Variants in RYR2 observed in about 807,000 individuals in gnomAD.
RYR2 encodes the protein ryanodine receptor 2.
RYR2 carries 227 observed loss-of-function variants against 601.1 expected under a neutral mutation model. The observed-to-expected ratio is 0.38, with a 90% confidence interval of 0.34 to 0.42. RYR2 has a LOEUF of 0.42. Among genes scored for constraint, RYR2 ranks in the 10% least tolerant of loss-of-function variants. The pLI, the probability that RYR2 is intolerant of heterozygous loss-of-function variation, is 1.00. For synonymous variants in RYR2, 2,223 were observed against 2,175.1 expected (o/e 1.02, Z -0.61); for missense variants, 4,646 against 6,156.5 (o/e 0.75, Z 8.21).
intron 2 of RYR2, among the ~76,000 whole-genome samples, chr1:237,326,570 G>A (rs573065832): frequency 1.3e-5 from 2 of 152,278 alleles, no homozygotes; most frequent in East Asian, 1.9e-4. Flanking sequence ...TTTGTGTTCC[G>A]ATGTGATCTG....
intron 100 of RYR2, 85 bp downstream of exon 100, chr1:237,809,120 G>A (rs1660980505): frequency 1.6e-6 from 2 of 1,222,994 alleles, no homozygotes; most frequent in Non-Finnish European, 2.3e-6. Context: ...TTCTCTAACA[G>A]TACAAAATAG....
At chr1:237,049,368 C>T (rs12081905) in intron 1 of RYR2, among the ~76,000 whole-genome samples, 2,110 of 152,142 alleles carry the variant, frequency 0.014, 55 homozygotes, top group African/African-American at 0.049. Flanking sequence ...TTATTAATCA[C>T]GGGAAGAACA....
chr1:237,434,559 G>A (rs772061207), intron 12 of RYR2, among the ~76,000 whole-genome samples: 2 of 151,986 alleles, frequency 1.3e-5, no homozygotes, highest in African/African-American at 2.4e-5. Context: ...TAATCATAAG[G>A]CAGGTCTTGC....
At chr1:237,534,634 G>A (rs1018082464) in intron 25 of RYR2, among the ~76,000 whole-genome samples, 1 of 151,826 alleles carries the variant, frequency 6.6e-6, no homozygotes, top group African/African-American at 2.4e-5. Context: ...TTCTAAATAG[G>A]TTATGGATCA....
chr1:237,351,396 A>G (rs140111829), intron 3 of RYR2, among the ~76,000 whole-genome samples: 1 of 152,240 alleles, frequency 6.6e-6, no homozygotes, highest in African/African-American at 2.4e-5. Context: ...AATATAAATC[A>G]TTCAAGCCAA....
At chr1:237,526,933 A>G (rs1320063794) in intron 24 of RYR2, among the ~76,000 whole-genome samples, 1 of 152,154 alleles carries the variant, frequency 6.6e-6, no homozygotes, top group Non-Finnish European at 1.5e-5. Context: ...GTTTTCTTCT[A>G]GGTCTTACAT....
intron 12 of RYR2, among the ~76,000 whole-genome samples, chr1:237,426,733 T>C (rs1473858004): frequency 6.6e-6 from 1 of 152,132 alleles, no homozygotes; most frequent in Non-Finnish European, 1.5e-5. Context: ...TGGAAGACAT[T>C]GGAATGATTT....
chr1:237,330,330 C>T (rs1696582954), intron 2 of RYR2, among the ~76,000 whole-genome samples: 1 of 152,232 alleles, frequency 6.6e-6, no homozygotes, highest in Non-Finnish European at 1.5e-5. Flanking sequence ...TGTCTCCTTA[C>T]ATTTTCAGAG....
intron 27 of RYR2, among the ~76,000 whole-genome samples, chr1:237,565,143 TTCTTTCTTTCTTTC>T (rs1559035268): frequency 1.2e-4 from 17 of 142,220 alleles, no homozygotes; most frequent in South Asian, 2.4e-4. Flanking sequence ...TTCTTTCTTT[TTCTTTCTTTCTTTC>T]TCTTTCTTTC....
At chr1:237,412,287 G>A (rs1704534757) in intron 10 of RYR2, among the ~76,000 whole-genome samples, 1 of 152,122 alleles carries the variant, frequency 6.6e-6, no homozygotes, top group African/African-American at 2.4e-5. Context: ...TTTGTACTTA[G>A]AATAACCTTA....
At chr1:237,126,992 G>T (rs918298804) in intron 1 of RYR2, among the ~76,000 whole-genome samples, 1 of 151,704 alleles carries the variant, frequency 6.6e-6, no homozygotes, top group Admixed American at 6.6e-5. Context: ...GACTCTTAAC[G>T]AGCATGCTGC....
At position 237,590,799 on chromosome 1, in the gene RYR2, C is replaced by T. The variant is rs1483211829; in HGVS notation, c.3967C>T (p.Pro1323Ser). 1 of 1,613,842 alleles carries T rather than the reference C, an allele frequency of 6.2e-7. No individual in the cohort carries two copies. Among genetic ancestry groups the T allele is most frequent in the Admixed American group, 1.7e-5 (1 of 60,012 alleles). The change falls in exon 31 of 105, where the codon CCT becomes TCT. Residue 1323 changes from proline to serine, a missense_variant. Physicochemically the swap from Pro to Ser is moderately conservative, Grantham distance 74 (BLOSUM62 -1). Transcript: ENST00000366574. Reference sequence around the variant, plus strand: ...CTCCAAGACGGTGGCTGGAGGGCTCCCTGGGGCTGGCCTTTTTGGGCCCAA... The same window carrying T: ...CTCCAAGACGGTGGCTGGAGGGCTCTCTGGGGCTGGCCTTTTTGGGCCCAA... The part of the protein sequence containing the change: ...VFSKTVAGGL[P>S]GAGLFGPKND...
chr1:237,715,580 A>G (rs1252163153), intron 71 of RYR2, among the ~76,000 whole-genome samples: 1 of 152,204 alleles, frequency 6.6e-6, no homozygotes, highest in African/African-American at 2.4e-5. Flanking sequence ...TATAAATATT[A>G]AACCAGATAT....
intron 16 of RYR2, 60 bp from the exon 17 acceptor site, chr1:237,469,032 T>G: frequency 7.2e-7 from 1 of 1,380,924 alleles, no homozygotes; most frequent in East Asian, 2.3e-5. Flanking sequence ...GCATATTAGC[T>G]TATCTCAATT....
chr1:237,126,716 G>C (rs922913269), intron 1 of RYR2, among the ~76,000 whole-genome samples: 1 of 152,000 alleles, frequency 6.6e-6, no homozygotes, highest in African/African-American at 2.4e-5. Context: ...GCTCCTTGAA[G>C]GATCTGAACA....
rs138377707 is a variant in RYR2, at chr1:237,668,920, G to A, written c.8590+962G>A. Among the ~76,000 whole-genome samples the A allele has an allele frequency of 5.3e-3, 809 of 151,502 alleles. 3 individuals are homozygous for A. Among genetic ancestry groups the A allele is most frequent in the African/African-American group, 0.019 (774 of 41,306 alleles). ...TATTGATCATTCTTGGGTGTTTCTC[G>A]CAGAGGGGGATTTGGCAGGGTCATA... On this transcript the variant is annotated intron_variant, in intron 58 of 104. Coordinates refer to ENST00000366574, the MANE Select transcript of RYR2 (RefSeq NM_001035.3).
At chr1:237,352,927 C>A in intron 3 of RYR2, 1 of 484,430 alleles carries the variant, frequency 2.1e-6, no homozygotes, top group Non-Finnish European at 4.1e-6. Flanking sequence ...AAAATCAATA[C>A]CAGGTATGTC....
At chr1:237,148,105 T>C (rs899008676) in intron 1 of RYR2, among the ~76,000 whole-genome samples, 1 of 152,194 alleles carries the variant, frequency 6.6e-6, no homozygotes, top group South Asian at 2.1e-4. Context: ...ATGGTGGAGA[T>C]GACATGGGCC....
At chr1:237,573,799 G>A (rs1672955263) in intron 29 of RYR2, among the ~76,000 whole-genome samples, 1 of 151,612 alleles carries the variant, frequency 6.6e-6, no homozygotes, top group Non-Finnish European at 1.5e-5. Context: ...TGACAGAGGA[G>A]TGAGACTCCG....
Sources: gnomAD v4.1 joint callset for allele counts (sites outside exome capture counted in the v4.1 genomes callset) on GRCh38, gnomAD v4.1.1 for gene constraint, MANE v1.5 for transcripts, NCBI Gene and HGNC (gene_info 2026-07-23, HGNC 2026-07-21) for gene names.